Variants in VWA8 observed in about 807,000 individuals in gnomAD.
The protein encoded by VWA8 is von Willebrand factor A domain containing 8, also known as von Willebrand factor A domain-containing protein 8.
A neutral mutation model predicts 241.5 loss-of-function variants in VWA8; 221 were observed. The observed-to-expected ratio is 0.91, with a 90% CI of 0.82 to 1.02. The LOEUF (loss-of-function observed/expected upper bound fraction) is 1.02, where lower values mean the gene tolerates loss of function less well. Among genes scored for constraint, VWA8 ranks in the 50% least tolerant of loss-of-function variants. The pLI, the probability that VWA8 is intolerant of heterozygous loss-of-function variation, is 0.00. For synonymous variants in VWA8, 852 were observed against 827.1 expected, an observed-to-expected ratio of 1.03 and a Z score of -0.52; for missense variants, 2,322 against 2,328.7, an observed-to-expected ratio of 1.00 and a Z score of 0.06.
chr13:41,927,391 C>T lies in VWA8; in HGVS notation c.242-15223G>A, dbSNP rs140686282. ...AAGTTGTATAAGTCAAGCATCTTTG[C>T]ACATCTGCAAAAGATCAAGGTCTGC... On this transcript the variant is annotated intron_variant, in intron 2 of 44. Coordinates refer to ENST00000379310, the MANE Select transcript of VWA8 (RefSeq NM_015058.2). 53 of 497,846 alleles carry T rather than the reference C, an allele frequency of 1.1e-4. 1 individual carries two copies. Among genetic ancestry groups the T allele is most frequent in the African/African-American group, 8.8e-4 (45 of 51,392 alleles). 30.8% of individuals were successfully genotyped at this position (497,846 alleles called of 1,614,324 possible). A position where few individuals can be genotyped will look rare whatever the true frequency, so the allele number is the denominator to read the frequency against.
chr13:41,816,347 G>C (rs894925914), intron 16 of VWA8, among the ~76,000 whole-genome samples: 1 of 152,142 alleles, frequency 6.6e-6, no homozygotes, highest in Non-Finnish European at 1.5e-5. Context: ...TGAGAAGTTA[G>C]AAGCTGAACA....
intron 5 of VWA8, 55 bp from the exon 6 acceptor site, chr13:41,887,416 TAAGAGCTG>T: frequency 3.2e-6 from 5 of 1,547,122 alleles, no homozygotes; most frequent in Non-Finnish European, 4.4e-6. Context: ...ATCACAACTG[TAAGAGCTG>T]CCAAGTCCAG....
chr13:41,846,615 G>T (rs1197648167), intron 12 of VWA8, among the ~76,000 whole-genome samples: 1 of 152,184 alleles, frequency 6.6e-6, no homozygotes, highest in Non-Finnish European at 1.5e-5. Context: ...AGTAATAGAA[G>T]TGATATGACA....
chr13:41,633,916 G>A (rs2044740792), intron 37 of VWA8, among the ~76,000 whole-genome samples: 1 of 152,114 alleles, frequency 6.6e-6, no homozygotes, highest in Non-Finnish European at 1.5e-5. Flanking sequence ...AGTCCTGGAT[G>A]CCATTCCAAC....
chr13:41,790,222 C>A (rs1338667855), intron 17 of VWA8, among the ~76,000 whole-genome samples: 1 of 152,058 alleles, frequency 6.6e-6, no homozygotes, highest in Non-Finnish European at 1.5e-5. Context: ...CCCAAATAGT[C>A]TTTCCTGCAA....
chr13:41,677,905 A>C (rs560392859), intron 35 of VWA8, among the ~76,000 whole-genome samples: 193 of 152,268 alleles, frequency 1.3e-3, no homozygotes, highest in Admixed American at 3.7e-3. Context: ...AAAACAAGAA[A>C]CTTGACATTT....
chr13:41,834,457 T>C (rs1871627581), intron 12 of VWA8, among the ~76,000 whole-genome samples: 1 of 152,242 alleles, frequency 6.6e-6, no homozygotes, highest in African/African-American at 2.4e-5. Context: ...ATGAATTTGC[T>C]TTATATTCAT....
chr13:41,960,899 C>T lies in VWA8; in HGVS notation c.117G>A (p.Gln39=). The change falls in exon 1 of 45, where the codon CAG becomes CAA. Residue 39 remains glutamine, a synonymous_variant. Coordinates refer to ENST00000379310, the MANE Select transcript of VWA8 (RefSeq NM_015058.2). ...CGTGCAACAGTCTGACCTCCGGCCG[C>T]TGCCTGTCGCCACCCGGCCTGCGCT... ...VVQRRPGGDR[Q]RPEVRLLHAG... 4 of 1,513,596 alleles carry T rather than the reference C, an allele frequency of 2.6e-6. No homozygotes were observed. Among genetic ancestry groups the T allele is most frequent in the African/African-American group, 1.4e-5 (1 of 69,674 alleles). The allele number at this position is 1,513,596 out of a possible 1,614,324, so 93.8% of individuals were successfully genotyped here. A position where few individuals can be genotyped will look rare whatever the true frequency, so the allele number is the denominator to read the frequency against.
chr13:41,885,734 T>C (rs1283217812), intron 8 of VWA8, among the ~76,000 whole-genome samples, 186 bp downstream of exon 8: 1 of 152,252 alleles, frequency 6.6e-6, no homozygotes, highest in African/African-American at 2.4e-5. Flanking sequence ...GAAAGCTCTT[T>C]AGGGGCTCAG....
chr13:41,706,583 A>G (rs2045284347), intron 26 of VWA8, among the ~76,000 whole-genome samples: 1 of 152,162 alleles, frequency 6.6e-6, no homozygotes, highest in Non-Finnish European at 1.5e-5. Flanking sequence ...GACCATTACT[A>G]ACTTTCTCTC....
intron 12 of VWA8, among the ~76,000 whole-genome samples, chr13:41,842,430 T>C (rs942273018): frequency 4.6e-5 from 7 of 152,210 alleles, no homozygotes; most frequent in Non-Finnish European, 8.8e-5. Context: ...GGATGCGATG[T>C]TGACATTACA....
At chr13:41,889,370 C>T (rs1220388558) in intron 5 of VWA8, among the ~76,000 whole-genome samples, 5 of 150,770 alleles carry the variant, frequency 3.3e-5, no homozygotes, top group East Asian at 1.9e-4. Flanking sequence ...GCATTCTTTG[C>T]GTACTAAGCC....
chr13:41,660,912 T>C (rs1322542513), intron 37 of VWA8, among the ~76,000 whole-genome samples: 1 of 151,922 alleles, frequency 6.6e-6, no homozygotes, highest in East Asian at 1.9e-4. Flanking sequence ...AGTCTCGCTC[T>C]ATTGCCAGGT....
At chr13:41,924,583 C>A (rs946960298) in intron 2 of VWA8, among the ~76,000 whole-genome samples, 1 of 152,008 alleles carries the variant, frequency 6.6e-6, no homozygotes, top group Non-Finnish European at 1.5e-5. Context: ...GGAGAGGAGA[C>A]AAAGACAGGG....
chr13:41,926,990 C>T (rs1013614955), intron 2 of VWA8: 34 of 463,122 alleles, frequency 7.3e-5, no homozygotes, highest in South Asian at 1.2e-4. Context: ...AGATAATGAG[C>T]GCTATGGCAA....
intron 37 of VWA8, among the ~76,000 whole-genome samples, chr13:41,655,509 G>C (rs1446314617): frequency 6.7e-6 from 1 of 149,194 alleles, no homozygotes; most frequent in Admixed American, 6.6e-5. Context: ...GAGAGAGAGA[G>C]AGAGAGAGAA....
Position 41,568,152 on chromosome 13 carries a change from T to A in VWA8, c.*45A>T. On this transcript the variant is annotated 3_prime_UTR_variant, in exon 45 of 45. Coordinates refer to ENST00000379310, the MANE Select transcript of VWA8 (RefSeq NM_015058.2). ...TTTTTCAGAATACTCTTTATTCCTG[T>A]CTTATTTCAAATCCTGGTGTCATCA... 6.7e-7 allele frequency: 1 copy of A among 1,492,608 alleles called. No individual in the cohort carries two copies. The highest frequency in any genetic ancestry group is 9.3e-7 in the Non-Finnish European group (1 of 1,071,292). The allele number at this position is 1,492,608 out of a possible 1,614,324, so 92.5% of individuals were successfully genotyped here. A position where few individuals can be genotyped will look rare whatever the true frequency, so the allele number is the denominator to read the frequency against.
chr13:41,729,803 A>G, intron 22 of VWA8, 126 bp from the exon 23 acceptor site: 1 of 350,930 alleles, frequency 2.8e-6, no homozygotes, highest in Admixed American at 5.5e-5. Flanking sequence ...ACGTAGACAC[A>G]CACACACACA....
intron 19 of VWA8, among the ~76,000 whole-genome samples, chr13:41,780,657 CT>C (rs1868849203): frequency 6.6e-6 from 1 of 152,188 alleles, no homozygotes; most frequent in South Asian, 2.1e-4. Context: ...ACTTCAGTCT[CT>C]CCTTGAGCCA....
Sources: allele counts gnomAD v4.1 joint callset (sites outside exome capture counted in the v4.1 genomes callset), GRCh38; gene constraint gnomAD v4.1.1; transcripts MANE v1.5; gene names NCBI Gene and HGNC (gene_info 2026-07-23, HGNC 2026-07-21).